Variants in GRIN3A observed in about 807,000 individuals in gnomAD.
GRIN3A encodes the protein glutamate receptor ionotropic, NMDA 3A.
A neutral mutation model predicts 92.4 loss-of-function variants in GRIN3A; 47 were observed. That is an observed-to-expected ratio of 0.51 (90% CI 0.40 to 0.65). The LOEUF is 0.65. GRIN3A is among the 30% of genes least tolerant of loss of function. GRIN3A has a pLI of 0.00. For missense variants in GRIN3A, 1,324 were observed against 1,393.1 expected (o/e 0.95, Z 0.79); for synonymous variants, 527 against 540.6 (o/e 0.97, Z 0.35).
chr9:101,688,247 A>G (rs1269956534), intron 1 of GRIN3A, among the ~76,000 whole-genome samples: 1 of 152,210 alleles, frequency 6.6e-6, no homozygotes, highest in African/African-American at 2.4e-5. Context: ...GTACCAAAAA[A>G]TGTGTAACAG....
chr9:101,722,975 T>C (rs1830032743), intron 1 of GRIN3A, among the ~76,000 whole-genome samples: 1 of 152,104 alleles, frequency 6.6e-6, no homozygotes, highest in South Asian at 2.1e-4. Flanking sequence ...TCAGAGGAGC[T>C]GGGGCAGAAT....
At chr9:101,627,289 C>G (rs565187790) in intron 4 of GRIN3A, among the ~76,000 whole-genome samples, 2 of 152,214 alleles carry the variant, frequency 1.3e-5, no homozygotes, top group South Asian at 4.2e-4. Flanking sequence ...GAGAACAAGG[C>G]TTTTTCTCTA....
At position 101,569,738 on chromosome 9, in the gene GRIN3A, A is replaced by T. The variant is rs1480045398; in HGVS notation, c.*3436T>A. ...AATGCCTAGAAAGCAATTTCTGAAG[A>T]ACTGGATGGGTTTTCTGTTTTTCCT... On this transcript the variant is annotated 3_prime_UTR_variant, in exon 9 of 9. Transcript: ENST00000361820. 6.6e-6 allele frequency: 1 copy of T among 152,180 alleles called. No individual in the cohort carries two copies. Among genetic ancestry groups the T allele is most frequent in the African/African-American group, 2.4e-5 (1 of 41,430 alleles). The allele number at this position is 152,180 out of a possible 1,614,324, so 9.4% of individuals were successfully genotyped here.
chr9:101,649,468 C>A (rs1380760246), intron 3 of GRIN3A, among the ~76,000 whole-genome samples: 2 of 151,994 alleles, frequency 1.3e-5, no homozygotes, highest in Non-Finnish European at 2.9e-5. Context: ...CAAGAGTGGG[C>A]TTTTCATGAA....
In GRIN3A at chr9:101,570,936, A is replaced by G. The variant is rs1205578149; in HGVS notation, c.*2238T>C. ...TACAAAAATGTCCATGTACATTAGG[A>G]GCATGGCTGTAATGTGGATTGAGGT... On this transcript the variant is annotated 3_prime_UTR_variant, in exon 9 of 9. Transcript: ENST00000361820. The G allele has an allele frequency of 6.6e-6, 1 of 152,590 alleles. No homozygotes were observed. The highest frequency in any genetic ancestry group is 1.9e-4 in the East Asian group (1 of 5,180). The allele number at this position is 152,590 out of a possible 1,614,324, so 9.5% of individuals were successfully genotyped here. A position where few individuals can be genotyped will look rare whatever the true frequency, so the allele number is the denominator to read the frequency against.
At chr9:101,724,455 T>TGCGCGCGCAGCCCTGGTTCCC (rs1564153266) in intron 1 of GRIN3A, among the ~76,000 whole-genome samples, 8 of 151,700 alleles carry the variant, frequency 5.3e-5, no homozygotes, top group African/African-American at 1.9e-4. Context: ...CCAGCTGACC[T>TGCGCGCGCAGCCCTGGTTCCC]GCGCGCGCAG....
chr9:101,708,017 A>C (rs1192134881), intron 1 of GRIN3A, among the ~76,000 whole-genome samples: 2 of 152,260 alleles, frequency 1.3e-5, no homozygotes, highest in South Asian at 2.1e-4. Context: ...TCATTGCAAA[A>C]AGGTCTGTGG....
chr9:101,692,891 GC>G (rs1723911337), intron 1 of GRIN3A, among the ~76,000 whole-genome samples: 1 of 152,134 alleles, frequency 6.6e-6, no homozygotes, highest in Non-Finnish European at 1.5e-5. Context: ...ACACAGACAA[GC>G]ATAAGGTGTA....
chr9:101,733,282 G>T (rs1230914969), intron 1 of GRIN3A, among the ~76,000 whole-genome samples: 1 of 152,148 alleles, frequency 6.6e-6, no homozygotes, highest in Non-Finnish European at 1.5e-5. Flanking sequence ...TCAATAAATG[G>T]TGCCTGCTAG....
At chr9:101,580,119 ACTC>A (rs1029394217) in intron 6 of GRIN3A, among the ~76,000 whole-genome samples, 3 of 151,258 alleles carry the variant, frequency 2.0e-5, no homozygotes, top group Non-Finnish European at 4.4e-5. Flanking sequence ...AATATTTATG[ACTC>A]CTCCTATAGC....
chr9:101,670,042 AG>A lies in GRIN3A; in HGVS notation c.2352+17del. 1 of 1,548,224 alleles carries A rather than the reference AG, an allele frequency of 6.5e-7. No homozygotes were observed. The highest frequency in any genetic ancestry group is 8.9e-7 in the Non-Finnish European group (1 of 1,120,194). On this transcript the variant is annotated intron_variant, in intron 3 of 8. Coordinates refer to ENST00000361820, the MANE Select transcript of GRIN3A (RefSeq NM_133445.3). ...TATAATGGACAATCAAGAAAGCTAAAGTAAAATGAAGTATTACCTTGGGGTC... is the reference window on the plus strand; with the variant it reads ...TATAATGGACAATCAAGAAAGCTAAATAAAATGAAGTATTACCTTGGGGTC...
chr9:101,669,142 G>T (rs955734341), intron 3 of GRIN3A, among the ~76,000 whole-genome samples: 3 of 152,010 alleles, frequency 2.0e-5, no homozygotes, highest in Admixed American at 6.6e-5. Flanking sequence ...CTTCAGATCT[G>T]CACTCTGTTT....
chr9:101,579,065 A>G, intron 7 of GRIN3A, 131 bp downstream of exon 7: 1 of 892,324 alleles, frequency 1.1e-6, no homozygotes, highest in East Asian at 2.5e-5. Flanking sequence ...TTCTGCTCTA[A>G]TGAGAGTGCC....
intron 6 of GRIN3A, among the ~76,000 whole-genome samples, chr9:101,611,125 A>C (rs1334937579): frequency 1.3e-5 from 2 of 151,660 alleles, no homozygotes; most frequent in Non-Finnish European, 2.9e-5. Flanking sequence ...CAACCAACCA[A>C]ACAAAAAAAC....
intron 6 of GRIN3A, among the ~76,000 whole-genome samples, chr9:101,586,868 A>G (rs1827956348): frequency 6.6e-6 from 1 of 152,166 alleles, no homozygotes; most frequent in Non-Finnish European, 1.5e-5. Context: ...AGTCATTTCC[A>G]ATGTCAGTGC....
At chr9:101,713,602 G>T (rs1829907763) in intron 1 of GRIN3A, among the ~76,000 whole-genome samples, 1 of 152,172 alleles carries the variant, frequency 6.6e-6, no homozygotes, top group Admixed American at 6.5e-5. Context: ...ACTGGGATTT[G>T]GTTTAGGCAA....
intron 2 of GRIN3A, among the ~76,000 whole-genome samples, chr9:101,686,280 A>G (rs368511515): frequency 6.6e-6 from 1 of 152,110 alleles, no homozygotes; most frequent in Non-Finnish European, 1.5e-5. Context: ...TCATTATTCT[A>G]TTTTGCTAGT....
intron 8 of GRIN3A, 106 bp downstream of exon 8, chr9:101,577,662 T>C (rs1295170923): frequency 1.2e-5 from 10 of 865,408 alleles, no homozygotes; most frequent in East Asian, 4.9e-5. Flanking sequence ...CTATTTATAC[T>C]GATTCTTTTG....
chr9:101,713,160 T>C (rs1004498965), intron 1 of GRIN3A, among the ~76,000 whole-genome samples: 37 of 152,196 alleles, frequency 2.4e-4, no homozygotes, highest in African/African-American at 8.7e-4. Context: ...TCTGGGGCAG[T>C]CAGAATGACA....
Sources: allele counts gnomAD v4.1 joint callset (sites outside exome capture counted in the v4.1 genomes callset), GRCh38; gene constraint gnomAD v4.1.1; transcripts MANE v1.5; gene names NCBI Gene and HGNC (gene_info 2026-07-23, HGNC 2026-07-21).